The following RNASEH2C variants were observed in gnomAD, a reference collection of about 807,000 sequenced individuals.
The protein encoded by RNASEH2C is RNase H1 small subunit.
RNASEH2C carries 20 observed loss-of-function variants against 16.3 expected under a neutral mutation model. The ratio of observed to expected loss-of-function variants is 1.23; its 90% CI spans 0.86 to 1.79. The LOEUF is 1.79. Among genes scored for constraint, RNASEH2C ranks in the 40% most tolerant of loss-of-function variants. The pLI is 0.00. For synonymous variants in RNASEH2C, 106 were observed against 98.9 expected (o/e 1.07, Z -0.43); for missense variants, 296 against 235.9 (o/e 1.25, Z -1.67).
chr11:65,719,699 C>T lies in RNASEH2C; in HGVS notation c.*84G>A. 1 of 1,472,982 alleles carries T rather than the reference C, an allele frequency of 6.8e-7. No individual in the cohort carries two copies. The highest frequency in any genetic ancestry group is 9.5e-7 in the Non-Finnish European group (1 of 1,053,066). The allele number at this position is 1,472,982 out of a possible 1,614,324, so 91.2% of individuals were successfully genotyped here. A position where few individuals can be genotyped will look rare whatever the true frequency, so the allele number is the denominator to read the frequency against. ...GACTCACAGGTGCTGTGAAGAGCTCCTTTATTGGGGTGATGGAATCGGTTC... is the reference window on the plus strand; with the variant it reads ...GACTCACAGGTGCTGTGAAGAGCTCTTTTATTGGGGTGATGGAATCGGTTC... On this transcript the variant is annotated 3_prime_UTR_variant, in exon 4 of 4. Coordinates refer to ENST00000308418, the MANE Select transcript of RNASEH2C (RefSeq NM_032193.4).
chr11:65,720,401 A>G lies in RNASEH2C; in HGVS notation c.189T>C (p.Phe63=). 1 of 1,614,030 alleles carries G rather than the reference A, an allele frequency of 6.2e-7. No homozygotes were observed. The highest frequency in any genetic ancestry group is 8.5e-7 in the Non-Finnish European group (1 of 1,180,024). Residue 63 remains phenylalanine (F), a synonymous_variant, in exon 2 of 4, where the codon TTT becomes TTC. Transcript: ENST00000308418. ...CCTCTCCCCGTAGACAGCGGCCCCG[A>G]AACGACACTTCGAGTCCTGGAGCGG... ...RQGPEGLEVS[F]RGRCLRGEEV... is the part of the protein sequence containing the mutation.
In RNASEH2C at chr11:65,720,609, G is replaced by A. The variant is rs1272054863; in HGVS notation, c.150C>T (p.Pro50=). 2 of 1,543,700 alleles carry A rather than the reference G, an allele frequency of 1.3e-6. No individual in the cohort carries two copies. The highest frequency in any genetic ancestry group is 1.7e-6 in the Non-Finnish European group (2 of 1,148,464). The change falls in exon 1 of 4, where the codon CCC becomes CCT. Residue 50 remains proline (P), a synonymous_variant. Transcript: ENST00000308418. The stretch of plus-strand genomic sequence containing the variant: ...CACCCTCGGGGCCCTGGCGGATGGC[G>A]GGCGTGAAGAAGCGCCCCACCGGGG... The part of the protein sequence containing the change: ...GPAPVGRFFT[P]AIRQGPEGLE...
chr11:65,719,132 A>G lies in RNASEH2C; in HGVS notation c.*651T>C, dbSNP rs1237088194. The stretch of plus-strand genomic sequence containing the variant: ...AAGCGGCTCCTGCGGATCGACTCCA[A>G]GTGTCTGCACTTCACTCCCAAGGAC... On this transcript the variant is annotated 3_prime_UTR_variant, in exon 4 of 4. Coordinates refer to ENST00000308418, the MANE Select transcript of RNASEH2C (RefSeq NM_032193.4). 5 of 1,614,198 alleles carry G rather than the reference A, an allele frequency of 3.1e-6. No homozygotes were observed. Among genetic ancestry groups the G allele is most frequent in the East Asian group, 2.2e-5 (1 of 44,882 alleles).
Position 65,719,003 on chromosome 11 carries a change from C to T in RNASEH2C, c.*780G>A. ...AGGTGTGTGGGATGCAGAGTGCAGTCCTCTGTGGGCTGACCACCTGCTGAA... is the reference window on the plus strand; with the variant it reads ...AGGTGTGTGGGATGCAGAGTGCAGTTCTCTGTGGGCTGACCACCTGCTGAA... On this transcript the variant is annotated 3_prime_UTR_variant, in exon 4 of 4. Coordinates refer to ENST00000308418, the MANE Select transcript of RNASEH2C (RefSeq NM_032193.4). 1 of 1,613,992 alleles carries T rather than the reference C, an allele frequency of 6.2e-7. No homozygotes were observed. The highest frequency in any genetic ancestry group is 8.5e-7 in the Non-Finnish European group (1 of 1,179,922).
Position 65,719,241 on chromosome 11 carries a change from C to T in RNASEH2C, c.*542G>A, listed in dbSNP as rs186106053. The T allele has an allele frequency of 9.1e-4, 1,434 of 1,578,936 alleles. 16 individuals carry two copies. The Admixed American group carries it at 0.02, about 22-fold the overall frequency. ...CAGGACTGGGGCTGATAGCCCACCC[C>T]GCCCCCACTGCAGCTCCCACAAAGC... On this transcript the variant is annotated 3_prime_UTR_variant, in exon 4 of 4. Coordinates refer to ENST00000308418, the MANE Select transcript of RNASEH2C (RefSeq NM_032193.4).
chr11:65,720,347 T>C lies in RNASEH2C; in HGVS notation c.243A>G (p.Gly81=). The change falls in exon 2 of 4, where the codon GGA becomes GGG. Residue 81 remains glycine (G), a synonymous_variant. Coordinates refer to ENST00000308418, the MANE Select transcript of RNASEH2C (RefSeq NM_032193.4). ...EEVAVPPGLV[G]YVMVTEEKKV... ...TCTTCTCTTCTGTCACCATCACGTA[T>C]CCCACGAGGCCAGGCGGCACCGCCA... is the stretch of plus-strand genomic sequence containing the variant. 25 of 1,614,144 alleles carry C rather than the reference T, an allele frequency of 1.5e-5. No homozygotes were observed. Among genetic ancestry groups the C allele is most frequent in the Non-Finnish European group, 2.0e-5 (24 of 1,180,034 alleles).
chr11:65,717,916 C>G lies in RNASEH2C; in HGVS notation c.*1867G>C, dbSNP rs763788370. Reference sequence around the variant, plus strand: ...TGACTGGGGAGAATGAAGACACTGACCAAGAGATGTGAAGCCACTCAGGGC... The same window carrying G: ...TGACTGGGGAGAATGAAGACACTGAGCAAGAGATGTGAAGCCACTCAGGGC... On this transcript the variant is annotated 3_prime_UTR_variant, in exon 4 of 4. Coordinates refer to ENST00000308418, the MANE Select transcript of RNASEH2C (RefSeq NM_032193.4). The G allele has an allele frequency of 6.6e-6, 1 of 152,634 alleles. No homozygotes were observed. The highest frequency in any genetic ancestry group is 1.5e-5 in the Non-Finnish European group (1 of 68,440). 9.5% of individuals were successfully genotyped at this position (152,634 alleles called of 1,614,324 possible).
In RNASEH2C at chr11:65,718,475, A is replaced by C; in HGVS notation, c.*1308T>G. ...GAGAAGTGGAGGGCATAGAACTGCCAAGTGGCAGGGCCATGATAGGAACTA... is the reference window on the plus strand; with the variant it reads ...GAGAAGTGGAGGGCATAGAACTGCCCAGTGGCAGGGCCATGATAGGAACTA... On this transcript the variant is annotated 3_prime_UTR_variant, in exon 4 of 4. Transcript: ENST00000308418. 9.5e-7 allele frequency: 1 copy of C among 1,055,358 alleles called. No individual in the cohort carries two copies. The highest frequency in any genetic ancestry group is 1.5e-5 in the South Asian group (1 of 66,758). 65.4% of individuals were successfully genotyped at this position (1,055,358 alleles called of 1,614,324 possible). A position where few individuals can be genotyped will look rare whatever the true frequency, so the allele number is the denominator to read the frequency against.
Position 65,718,108 on chromosome 11 carries a change from C to T in RNASEH2C, c.*1675G>A, listed in dbSNP as rs1377845980. On this transcript the variant is annotated 3_prime_UTR_variant, in exon 4 of 4. Transcript: ENST00000308418. ...CCTTTTCTCCTTGCATCCTCACAACCACCCAGTCAGGCCACTCAAGTCTTA... is the reference window on the plus strand; with the variant it reads ...CCTTTTCTCCTTGCATCCTCACAACTACCCAGTCAGGCCACTCAAGTCTTA... 6.5e-6 allele frequency: 1 copy of T among 154,508 alleles called. No individual in the cohort carries two copies. Among genetic ancestry groups the T allele is most frequent in the African/African-American group, 2.4e-5 (1 of 41,482 alleles). The allele number at this position is 154,508 out of a possible 1,614,324, so 9.6% of individuals were successfully genotyped here.
chr11:65,718,820 C>T lies in RNASEH2C; in HGVS notation c.*963G>A, dbSNP rs1857297008. 2 of 1,612,678 alleles carry T rather than the reference C, an allele frequency of 1.2e-6. No homozygotes were observed. The highest frequency in any genetic ancestry group is 1.1e-5 in the South Asian group (1 of 91,058). On this transcript the variant is annotated 3_prime_UTR_variant, in exon 4 of 4. Coordinates refer to ENST00000308418, the MANE Select transcript of RNASEH2C (RefSeq NM_032193.4). ...TGTTCCTGGGCTTTCTCTCTCAGGG[C>T]TCCTGGGGACAGATAAAGGTCCTCA...
In RNASEH2C at chr11:65,719,539, G is replaced by A; in HGVS notation, c.*244C>T. ...AGAAGTTGGGGGTGGGGTGGGTGCT[G>A]GCTGCAAAAATTTCTGGCTTCTCTT... is the stretch of plus-strand genomic sequence containing the variant. On this transcript the variant is annotated 3_prime_UTR_variant, in exon 4 of 4. Transcript: ENST00000308418. The A allele has an allele frequency of 1.6e-6, 1 of 618,048 alleles. No homozygotes were observed. 38.3% of individuals were successfully genotyped at this position (618,048 alleles called of 1,614,324 possible).
chr11:65,720,586 C>G lies in RNASEH2C; in HGVS notation c.172+1G>C. ...AGCCGTAGTCCGGCCGCAGGGCTCACCCTCGGGGCCCTGGCGGATGGCGGG... is the reference window on the plus strand; with the variant it reads ...AGCCGTAGTCCGGCCGCAGGGCTCAGCCTCGGGGCCCTGGCGGATGGCGGG... On this transcript the variant is annotated splice_donor_variant, in intron 1 of 3. Coordinates refer to ENST00000308418, the MANE Select transcript of RNASEH2C (RefSeq NM_032193.4). LOFTEE classifies it high-confidence loss of function. 1 of 1,530,192 alleles carries G rather than the reference C, an allele frequency of 6.5e-7. No individual in the cohort carries two copies. The highest frequency in any genetic ancestry group is 1.2e-5 in the South Asian group (1 of 83,542). The allele number at this position is 1,530,192 out of a possible 1,614,324, so 94.8% of individuals were successfully genotyped here.
rs1857331933 is a variant in RNASEH2C, at chr11:65,719,691, A to C, written c.*92T>G. ...GGCGCCCAGACTCACAGGTGCTGTGAAGAGCTCCTTTATTGGGGTGATGGA... is the reference window on the plus strand; with the variant it reads ...GGCGCCCAGACTCACAGGTGCTGTGCAGAGCTCCTTTATTGGGGTGATGGA... On this transcript the variant is annotated 3_prime_UTR_variant, in exon 4 of 4. Coordinates refer to ENST00000308418, the MANE Select transcript of RNASEH2C (RefSeq NM_032193.4). 7.2e-7 allele frequency: 1 copy of C among 1,387,460 alleles called. No individual in the cohort carries two copies. Among genetic ancestry groups the C allele is most frequent in the African/African-American group, 1.4e-5 (1 of 70,506 alleles). 85.9% of individuals were successfully genotyped at this position (1,387,460 alleles called of 1,614,324 possible).
chr11:65,719,887 A>G, intron 3 of RNASEH2C, 78 bp from the exon 4 acceptor site: 1 of 1,606,908 alleles, frequency 6.2e-7, no homozygotes, highest in Non-Finnish European at 8.5e-7. Context: ...GGAAGGACCC[A>G]GCTGTTCAGA....
chr11:65,718,593 A>G lies in RNASEH2C; in HGVS notation c.*1190T>C. 6.2e-7 allele frequency: 1 copy of G among 1,614,102 alleles called. No homozygotes were observed. Among genetic ancestry groups the G allele is most frequent in the Non-Finnish European group, 8.5e-7 (1 of 1,179,970 alleles). The stretch of plus-strand genomic sequence containing the variant: ...CTCTCCTGCTCCATTGCTTTAGGCT[A>G]TGAACTCTCCAAAGTGGAAGGGAAA... On this transcript the variant is annotated 3_prime_UTR_variant, in exon 4 of 4. Coordinates refer to ENST00000308418, the MANE Select transcript of RNASEH2C (RefSeq NM_032193.4).
In RNASEH2C at chr11:65,720,031, C is replaced by A. The variant is rs759952065; in HGVS notation, c.468+14G>T. On this transcript the variant is annotated intron_variant, in intron 3 of 3. Coordinates refer to ENST00000308418, the MANE Select transcript of RNASEH2C (RefSeq NM_032193.4). ...ATCCACCCGGGGGCAAGACGGAACT[C>A]CTCGTCTACTCACCGCTGCCGCAAG... 2.5e-5 allele frequency: 41 copies of A among 1,612,846 alleles called. No homozygotes were observed. In the South Asian group the frequency reaches 3.7e-4, roughly 15 times the overall value.
rs767413227 is a variant in RNASEH2C, at chr11:65,719,740, C to CCAA, written c.*42_*43insTTG. ...GAATCGGTTCCAAAGAGCTGGTTTACTGCTGTGAAGGGATCGCAGCTTTGA... is the reference window on the plus strand; with the variant it reads ...GAATCGGTTCCAAAGAGCTGGTTTACCAATGCTGTGAAGGGATCGCAGCTTTGA... On this transcript the variant is annotated 3_prime_UTR_variant, in exon 4 of 4. Transcript: ENST00000308418. The CCAA allele has an allele frequency of 1.7e-5, 28 of 1,606,020 alleles. No homozygotes were observed. The highest frequency in any genetic ancestry group is 2.4e-5 in the Non-Finnish European group (28 of 1,173,004).
chr11:65,718,402 G>A lies in RNASEH2C; in HGVS notation c.*1381C>T, dbSNP rs1017841537. 2.4e-5 allele frequency: 15 copies of A among 630,622 alleles called. No homozygotes were observed. Among genetic ancestry groups the A allele is most frequent in the African/African-American group, 1.3e-4 (7 of 55,106 alleles). The allele number at this position is 630,622 out of a possible 1,614,324, so 39.1% of individuals were successfully genotyped here. A position where few individuals can be genotyped will look rare whatever the true frequency, so the allele number is the denominator to read the frequency against. Reference sequence around the variant, plus strand: ...CCTCATGCCCTCCACTGTGCTCAGCGCACGGAAAGAGTGAATACTCAGTTC... The same window carrying A: ...CCTCATGCCCTCCACTGTGCTCAGCACACGGAAAGAGTGAATACTCAGTTC... On this transcript the variant is annotated 3_prime_UTR_variant, in exon 4 of 4. Transcript: ENST00000308418.
chr11:65,719,667 GCGCCCAGACTCA>G lies in RNASEH2C; in HGVS notation c.*104_*115del. The G allele has an allele frequency of 8.9e-7, 1 of 1,118,856 alleles. No homozygotes were observed. The highest frequency in any genetic ancestry group is 1.4e-6 in the Non-Finnish European group (1 of 733,172). The allele number at this position is 1,118,856 out of a possible 1,614,324, so 69.3% of individuals were successfully genotyped here. A position where few individuals can be genotyped will look rare whatever the true frequency, so the allele number is the denominator to read the frequency against. On this transcript the variant is annotated 3_prime_UTR_variant, in exon 4 of 4. Coordinates refer to ENST00000308418, the MANE Select transcript of RNASEH2C (RefSeq NM_032193.4). Reference sequence around the variant, plus strand: ...CCCATGCTGGCTTAGGGGCTCTAAGGCGCCCAGACTCACAGGTGCTGTGAAGAGCTCCTTTAT... The same window carrying G: ...CCCATGCTGGCTTAGGGGCTCTAAGGCAGGTGCTGTGAAGAGCTCCTTTAT...
Sources: allele counts gnomAD v4.1 joint callset, GRCh38; gene constraint gnomAD v4.1.1; transcripts MANE v1.5; gene names NCBI Gene and HGNC (gene_info 2026-07-23, HGNC 2026-07-21).